NAALADL2: variants seen among roughly 807,000 people sequenced by gnomAD.
The protein encoded by NAALADL2 is inactive N-acetylated-alpha-linked acidic dipeptidase-like protein 2.
In NAALADL2, 76 loss-of-function variants were observed where a neutral mutation model predicts 87.2. That is an observed-to-expected ratio of 0.87 (90% CI 0.72 to 1.05). NAALADL2 has a LOEUF of 1.05. Ranked by LOEUF, NAALADL2 falls within the 50% of genes least tolerant of loss-of-function variation. The pLI is 0.00. For synonymous variants in NAALADL2, 354 were observed against 331.0 expected, an observed-to-expected ratio of 1.07 and a Z score of -0.75; for missense variants, 1,089 against 945.8, an observed-to-expected ratio of 1.15 and a Z score of -1.99.
chr3:175,525,764 G>A (rs1052386181), intron 9 of NAALADL2, among the ~76,000 whole-genome samples: 1 of 151,978 alleles, frequency 6.6e-6, no homozygotes, highest in Non-Finnish European at 1.5e-5. Context: ...TTAAAAAGAT[G>A]TCATATATTA....
intron 2 of NAALADL2, among the ~76,000 whole-genome samples, chr3:174,612,477 T>C (rs1720024784): frequency 6.6e-6 from 1 of 152,122 alleles, no homozygotes. Context: ...TTCATTCTTT[T>C]TAATGCTTTT....
At chr3:175,655,818 A>G (rs1731387107) in intron 11 of NAALADL2, among the ~76,000 whole-genome samples, 1 of 152,158 alleles carries the variant, frequency 6.6e-6, no homozygotes, top group Non-Finnish European at 1.5e-5. Context: ...TTCTCACAGT[A>G]TGGCAGATGC....
At chr3:175,069,212 G>T (rs1481095717) in intron 1 of NAALADL2, among the ~76,000 whole-genome samples, 1 of 149,290 alleles carries the variant, frequency 6.7e-6, no homozygotes, top group Admixed American at 6.6e-5. Context: ...ACTACCATCA[G>T]AGTGAACAGG....
At chr3:175,638,233 A>G (rs1326015220) in intron 11 of NAALADL2, among the ~76,000 whole-genome samples, 6 of 152,220 alleles carry the variant, frequency 3.9e-5, no homozygotes, top group African/African-American at 9.7e-5. Flanking sequence ...TATTCGATCC[A>G]CATAACTGAC....
intron 1 of NAALADL2, among the ~76,000 whole-genome samples, chr3:175,093,837 A>G (rs1720627999): frequency 6.6e-6 from 1 of 151,950 alleles, no homozygotes; most frequent in African/African-American, 2.4e-5. Flanking sequence ...GCAGATATCC[A>G]TCATAGTGAG....
intron 5 of NAALADL2, among the ~76,000 whole-genome samples, chr3:175,339,914 A>G (rs1762405029): frequency 6.6e-6 from 1 of 152,216 alleles, no homozygotes; most frequent in Admixed American, 6.5e-5. Context: ...ATGATATTTC[A>G]GGAAAGAGTT....
intron 5 of NAALADL2, among the ~76,000 whole-genome samples, chr3:175,401,363 G>A (rs1278205465): frequency 6.6e-6 from 1 of 151,954 alleles, no homozygotes; most frequent in African/African-American, 2.4e-5. Flanking sequence ...CAAAATGTTA[G>A]AATTTTTCAA....
At chr3:175,006,630 C>T (rs1341610925) in intron 1 of NAALADL2, among the ~76,000 whole-genome samples, 11 of 146,616 alleles carry the variant, frequency 7.5e-5, no homozygotes, top group African/African-American at 2.3e-4. Context: ...ATAGGGAGTT[C>T]GAGGTAGGAG....
intron 3 of NAALADL2, among the ~76,000 whole-genome samples, chr3:174,812,700 G>A (rs1169676113): frequency 2.0e-5 from 3 of 151,898 alleles, no homozygotes; most frequent in African/African-American, 4.8e-5. Flanking sequence ...AGATGCATGG[G>A]TGGAAGACAG....
At chr3:175,776,496 G>A (rs1750267149) in intron 13 of NAALADL2, among the ~76,000 whole-genome samples, 2 of 151,886 alleles carry the variant, frequency 1.3e-5, no homozygotes, top group African/African-American at 4.8e-5. Context: ...GGAAACTATC[G>A]AGTCCCATTC....
chr3:175,498,492 C>A (rs1056592347), intron 9 of NAALADL2, among the ~76,000 whole-genome samples: 7 of 151,976 alleles, frequency 4.6e-5, no homozygotes, highest in African/African-American at 1.7e-4. Flanking sequence ...TAGGTTACCA[C>A]TCTACTAAGA....
At chr3:175,410,870 T>C (rs1713383286) in intron 5 of NAALADL2, among the ~76,000 whole-genome samples, 1 of 152,164 alleles carries the variant, frequency 6.6e-6, no homozygotes, top group African/African-American at 2.4e-5. Context: ...ACAGACGCCC[T>C]CTTTTTTGCA....
At chr3:175,598,490 C>T (rs1176019315) in intron 10 of NAALADL2, among the ~76,000 whole-genome samples, 1 of 151,846 alleles carries the variant, frequency 6.6e-6, no homozygotes, top group Non-Finnish European at 1.5e-5. Context: ...TATTTCAAGG[C>T]CTTTCCCCTT....
At chr3:175,021,224 A>G (rs1337750936) in intron 1 of NAALADL2, among the ~76,000 whole-genome samples, 1 of 152,028 alleles carries the variant, frequency 6.6e-6, no homozygotes, top group African/African-American at 2.4e-5. Flanking sequence ...TTGTCCATTC[A>G]TTTCTTGTCC....
intron 13 of NAALADL2, among the ~76,000 whole-genome samples, chr3:175,774,318 C>A (rs1749917205): frequency 6.6e-6 from 1 of 151,970 alleles, no homozygotes; most frequent in Non-Finnish European, 1.5e-5. Context: ...TCTACGCAGG[C>A]AGCATACAGC....
intron 2 of NAALADL2, among the ~76,000 whole-genome samples, chr3:175,199,864 A>ATTTTTTTTTTTT (rs869050569): frequency 7.7e-5 from 1 of 13,058 alleles, no homozygotes; most frequent in Admixed American, 1.5e-3. Context: ...ATATATATAT[A>ATTTTTTTTTTTT]TTTTTTTTTT....
intron 3 of NAALADL2, among the ~76,000 whole-genome samples, chr3:174,800,033 C>G (rs866414985): frequency 3.9e-5 from 6 of 152,096 alleles, no homozygotes; most frequent in African/African-American, 1.4e-4. Context: ...GCAAAGCATT[C>G]AAGATGTGAG....
Position 175,765,909 on chromosome 3 carries a change from G to A in NAALADL2, c.2189+10491G>A, listed in dbSNP as rs146343976. ...CGAGGCTTAGGAAAAGTTAACATGC[G>A]GCAGAAATGGGATTCAAACCTAGTT... On this transcript the variant is annotated intron_variant, in intron 13 of 13. Coordinates refer to ENST00000454872, the MANE Select transcript of NAALADL2 (RefSeq NM_207015.3). 4.3e-3 allele frequency among the ~76,000 whole-genome samples: 650 copies of A among 152,044 alleles called. 5 individuals are homozygous for A. Among genetic ancestry groups the A allele is most frequent in the Middle Eastern group, 0.024 (7 of 294 alleles).
intron 4 of NAALADL2, among the ~76,000 whole-genome samples, chr3:175,319,099 G>A (rs1438387912): frequency 6.6e-6 from 1 of 152,238 alleles, no homozygotes; most frequent in Non-Finnish European, 1.5e-5. Flanking sequence ...GGGTGGGGGT[G>A]AGGATTTGAA....
Sources: allele counts gnomAD v4.1 joint callset (sites outside exome capture counted in the v4.1 genomes callset), GRCh38; gene constraint gnomAD v4.1.1; transcripts MANE v1.5; gene names NCBI Gene and HGNC (gene_info 2026-07-23, HGNC 2026-07-21).